The following ABHD2 variants were observed in gnomAD, a reference collection of about 807,000 sequenced individuals.
The protein encoded by ABHD2 is abhydrolase domain containing 2, acylglycerol lipase, also known as monoacylglycerol lipase ABHD2.
ABHD2 carries 20 observed loss-of-function variants against 48.1 expected under a neutral mutation model. The ratio of observed to expected loss-of-function variants is 0.42; its 90% CI spans 0.29 to 0.60. The LOEUF is 0.60. Among genes scored for constraint, ABHD2 ranks in the 20% least tolerant of loss-of-function variants. ABHD2 has a pLI of 0.24. For missense variants in ABHD2, 405 were observed against 550.9 expected, an observed-to-expected ratio of 0.74 and a Z score of 2.65; for synonymous variants, 209 against 214.2, an observed-to-expected ratio of 0.98 and a Z score of 0.21.
chr15:89,124,395 T>C (rs1037416344), intron 3 of ABHD2, among the ~76,000 whole-genome samples: 4 of 152,304 alleles, frequency 2.6e-5, no homozygotes, highest in African/African-American at 9.6e-5. Flanking sequence ...CACACTCTCT[T>C]CCAGTCAGAT....
At chr15:89,142,696 A>G (rs1180424755) in intron 3 of ABHD2, among the ~76,000 whole-genome samples, 1 of 152,128 alleles carries the variant, frequency 6.6e-6, no homozygotes, top group African/African-American at 2.4e-5. Context: ...TCCCCTCCAC[A>G]GCCCCTGAGC....
At chr15:89,159,835 A>G (rs996770641) in intron 5 of ABHD2, among the ~76,000 whole-genome samples, 1 of 152,104 alleles carries the variant, frequency 6.6e-6, no homozygotes, top group African/African-American at 2.4e-5. Flanking sequence ...AGTTTATTAT[A>G]CTTTAGAAAT....
At position 89,155,532 on chromosome 15, in the gene ABHD2, A is replaced by G. The variant is rs767506800; in HGVS notation, c.536A>G (p.Tyr179Cys). The change falls in exon 5 of 11, where the codon TAT becomes TGT. Residue 179 changes from tyrosine (Y) to cysteine (C), a missense_variant and splice_region_variant. Transcript: ENST00000352732. This position sits in a 1 kb window ranked among gnomAD's most constrained non-coding sequence, Gnocchi z 4.9. Reference protein sequence around the residue: ...IELTSPRMFTYGCTWEFGAMV... With the variant: ...IELTSPRMFTCGCTWEFGAMV... ...TTGACCTCGCCACGCATGTTCACCTATGGTAAGCATGGCTAAGTGGAGTCC... is the reference window on the plus strand; with the variant it reads ...TTGACCTCGCCACGCATGTTCACCTGTGGTAAGCATGGCTAAGTGGAGTCC... 1.2e-6 allele frequency: 2 copies of G among 1,610,036 alleles called. No homozygotes were observed. Among genetic ancestry groups the G allele is most frequent in the East Asian group, 2.2e-5 (1 of 44,746 alleles).
At chr15:89,080,143 C>G in the ABHD2 span, among the ~76,000 whole-genome samples, 1 of 152,184 alleles carries the variant, frequency 6.6e-6, no homozygotes, top group Non-Finnish European at 1.5e-5. Flanking sequence ...CTCTGCCCAG[C>G]ACTCTGCTCA....
At chr15:89,078,640 G>A in the ABHD2 span, among the ~76,000 whole-genome samples, 1 of 152,050 alleles carries the variant, frequency 6.6e-6, no homozygotes, top group Non-Finnish European at 1.5e-5. Flanking sequence ...ATTTTTTGTG[G>A]GTCCCAAATC....
In ABHD2 at chr15:89,097,619, G is replaced by A. The variant is rs1045452539; in HGVS notation, c.-107+9056G>A. 7.2e-5 allele frequency among the ~76,000 whole-genome samples: 11 copies of A among 152,110 alleles called. No homozygotes were observed. Among genetic ancestry groups the A allele is most frequent in the Non-Finnish European group, 1.5e-4 (10 of 68,040 alleles). The stretch of plus-strand genomic sequence containing the variant: ...GAGAAACTGGGTAGTCTGTCCAGTA[G>A]AGGTATTTGTTTACTTTTGACAGAT... On this transcript the variant is annotated intron_variant, in intron 1 of 10. Coordinates refer to ENST00000352732, the MANE Select transcript of ABHD2 (RefSeq NM_152924.5). The surrounding 1 kb of genome is among the most constrained non-coding windows in gnomAD (Gnocchi z 4.2).
chr15:89,056,322 A>G, the ABHD2 span, among the ~76,000 whole-genome samples: 1 of 152,200 alleles, frequency 6.6e-6, no homozygotes, highest in Non-Finnish European at 1.5e-5. Context: ...GCTTAGTTAC[A>G]AGAATATGTA....
the ABHD2 span, among the ~76,000 whole-genome samples, chr15:89,057,636 G>A: frequency 2.0e-5 from 3 of 152,160 alleles, no homozygotes; most frequent in Non-Finnish European, 4.4e-5. Flanking sequence ...TGAGAGGCAG[G>A]CCCCGTTGGG....
rs571874188 is a variant in ABHD2 at position 89,110,332 on chromosome 15, A to G, written c.-106-3393A>G. Among the ~76,000 whole-genome samples the G allele has an allele frequency of 4.0e-4, 61 of 152,056 alleles. 2 individuals are homozygous for G. In the South Asian group the frequency reaches 0.012, roughly 31 times the overall value. ...CCGCCTCGGCCTGCAAAGTGCTAGG[A>G]TTACAGGCGTGAGTCCCCTGCACCC... On this transcript the variant is annotated intron_variant, in intron 1 of 10. Coordinates refer to ENST00000352732, the MANE Select transcript of ABHD2 (RefSeq NM_152924.5).
At chr15:89,066,015 C>T in the ABHD2 span, among the ~76,000 whole-genome samples, 32 of 152,292 alleles carry the variant, frequency 2.1e-4, no homozygotes, top group African/African-American at 7.2e-4. Flanking sequence ...AAGACATTAA[C>T]GAGTGAATGA....
At chr15:89,061,867 C>A in the ABHD2 span, among the ~76,000 whole-genome samples, 1 of 152,158 alleles carries the variant, frequency 6.6e-6, no homozygotes, top group Non-Finnish European at 1.5e-5. Context: ...AGCTACGGTG[C>A]CTGGCCCAAA....
rs776560970 is a variant in ABHD2 at position 89,155,373 on chromosome 15, T to C, written c.377T>C (p.Ile126Thr). ...PLAEHCVGDD[I>T]TMVICPGIAN... ...CTCTTTCTCTACGCTATAGATGATATCACCATGGTCATCTGCCCTGGAATT... is the reference window on the plus strand; with the variant it reads ...CTCTTTCTCTACGCTATAGATGATACCACCATGGTCATCTGCCCTGGAATT... The change falls in exon 5 of 11, where the codon ATC becomes ACC. Residue 126 changes from isoleucine to threonine, a missense_variant. Physicochemically the swap from Ile to Thr is moderately conservative, Grantham distance 89. Coordinates refer to ENST00000352732, the MANE Select transcript of ABHD2 (RefSeq NM_152924.5). This position sits in a 1 kb window ranked among gnomAD's most constrained non-coding sequence, Gnocchi z 4.9. 2 of 1,613,826 alleles carry C rather than the reference T, an allele frequency of 1.2e-6. No individual in the cohort carries two copies. The highest frequency in any genetic ancestry group is 1.7e-5 in the Admixed American group (1 of 59,990).
At chr15:89,111,268 AAAG>A (rs1166371063) in intron 1 of ABHD2, among the ~76,000 whole-genome samples, 3 of 152,356 alleles carry the variant, frequency 2.0e-5, no homozygotes, top group Non-Finnish European at 2.9e-5. Flanking sequence ...AAATAGAAAA[AAAG>A]AAGTCGCCAA....
intron 3 of ABHD2, among the ~76,000 whole-genome samples, chr15:89,138,379 A>T (rs887332856): frequency 4.6e-5 from 7 of 152,198 alleles, no homozygotes; most frequent in East Asian, 3.9e-4. Context: ...GTAAAAATGT[A>T]TCCCCAAATC....
Position 89,148,029 on chromosome 15 carries a change from G to A in ABHD2, c.195-3648G>A, listed in dbSNP as rs868726653. 5.4e-4 allele frequency among the ~76,000 whole-genome samples: 76 copies of A among 141,132 alleles called. 1 individual carries two copies. The highest frequency in any genetic ancestry group is 1.8e-3 in the African/African-American group (70 of 37,950). 92.6% of individuals were successfully genotyped at this position (141,132 alleles called of 152,430 possible). Reference sequence around the variant, plus strand: ...AGCTTCTAGGGAGGCTGAGGCAAGAGAATCTGTTGGACCCGGGAGGCAGAG... The same window carrying A: ...AGCTTCTAGGGAGGCTGAGGCAAGAAAATCTGTTGGACCCGGGAGGCAGAG... On this transcript the variant is annotated intron_variant, in intron 3 of 10. Transcript: ENST00000352732.
At chr15:89,107,616 G>T (rs2049807441) in intron 1 of ABHD2, among the ~76,000 whole-genome samples, 1 of 152,144 alleles carries the variant, frequency 6.6e-6, no homozygotes, top group Non-Finnish European at 1.5e-5. Context: ...GTATTAACAT[G>T]TTCAGTTTAC....
At position 89,151,695 on chromosome 15, in the gene ABHD2, C is replaced by G. The variant is rs1462254453; in HGVS notation, c.213C>G (p.Ile71Met). The G allele has an allele frequency of 6.2e-7, 1 of 1,613,880 alleles. No homozygotes were observed. The highest frequency in any genetic ancestry group is 8.5e-7 in the Non-Finnish European group (1 of 1,179,930). Residue 71 changes from isoleucine (I) to methionine (M), a missense_variant, in exon 4 of 11, where the codon ATC becomes ATG. Physicochemically the swap from Ile to Met is conservative, Grantham distance 10. Transcript: ENST00000352732. This position sits in a 1 kb window ranked among gnomAD's most constrained non-coding sequence, Gnocchi z 4.7. ...LLTKEYIPPL[I>M]WGKSGHIQTA... ...TCTTTAGATACATTCCACCGTTGAT[C>G]TGGGGGAAAAGTGGACACATCCAGA... is the stretch of plus-strand genomic sequence containing the variant.
At position 89,173,370 on chromosome 15, in the gene ABHD2, C is replaced by T. The variant is rs1454946290; in HGVS notation, c.539-2442C>T. 6.6e-6 allele frequency among the ~76,000 whole-genome samples: 1 copy of T among 152,084 alleles called. No homozygotes were observed. The highest frequency in any genetic ancestry group is 1.5e-5 in the Non-Finnish European group (1 of 68,016). On this transcript the variant is annotated intron_variant, in intron 5 of 10. Coordinates refer to ENST00000352732, the MANE Select transcript of ABHD2 (RefSeq NM_152924.5). This position sits in a 1 kb window ranked among gnomAD's most constrained non-coding sequence, Gnocchi z 6.5. ...GGCAGATCACCTGAGGTCAGGAGTT[C>T]AAGACCAGACTGGCCAACAAGACAA...
the ABHD2 span, among the ~76,000 whole-genome samples, chr15:89,077,132 A>G: frequency 2.0e-5 from 3 of 152,228 alleles, no homozygotes; most frequent in African/African-American, 7.2e-5. Context: ...CTGGCACCCA[A>G]GAACCCCCTC....
Sources: gnomAD v4.1 joint callset for allele counts (sites outside exome capture counted in the v4.1 genomes callset) on GRCh38, gnomAD v4.1.1 for gene constraint, Gnocchi (gnomAD v3.1) non-coding constraint, MANE v1.5 for transcripts, NCBI Gene and HGNC (gene_info 2026-07-23, HGNC 2026-07-21) for gene names.